Variants in NOVA2 observed in about 807,000 individuals in gnomAD.
The protein encoded by NOVA2 is RNA-binding protein Nova-2.
In NOVA2, 9 loss-of-function variants were observed where a neutral mutation model predicts 22.5. That is an observed-to-expected ratio of 0.40 (90% confidence interval 0.24 to 0.70). NOVA2 has a LOEUF of 0.70. NOVA2 is among the 30% of genes least tolerant of loss of function. NOVA2 has a pLI of 0.38. For synonymous variants in NOVA2, 318 were observed against 335.2 expected, an observed-to-expected ratio of 0.95 and a Z score of 0.56; for missense variants, 383 against 682.8, an observed-to-expected ratio of 0.56 and a Z score of 4.89.
At chr19:45,948,929 T>A (rs945596447) in intron 3 of NOVA2, among the ~76,000 whole-genome samples, 1 of 152,314 alleles carries the variant, frequency 6.6e-6, no homozygotes, top group East Asian at 1.9e-4. Flanking sequence ...GGTCTATGCA[T>A]ACAATGAAAC....
chr19:45,960,887 GC>G, intron 2 of NOVA2, 122 bp downstream of exon 2: 1 of 1,009,360 alleles, frequency 9.9e-7, no homozygotes, highest in Non-Finnish European at 1.4e-6. Flanking sequence ...GGAAGGGGAG[GC>G]CCCCTCCCCA....
Position 45,935,742 on chromosome 19 carries a change from T to A in NOVA2, c.*4121A>T. 1 of 152,418 alleles carries A rather than the reference T, an allele frequency of 6.6e-6. No homozygotes were observed. 9.4% of individuals were successfully genotyped at this position (152,418 alleles called of 1,614,324 possible). Reference sequence around the variant, plus strand: ...GGACTCCTCTCATTTTCCAAACAATTGGCCACCAATCAAAACAAAGTAAGA... The same window carrying A: ...GGACTCCTCTCATTTTCCAAACAATAGGCCACCAATCAAAACAAAGTAAGA... On this transcript the variant is annotated 3_prime_UTR_variant, in exon 4 of 4. Coordinates refer to ENST00000263257, the MANE Select transcript of NOVA2 (RefSeq NM_002516.4).
chr19:45,966,657 C>T (rs1048808995), intron 1 of NOVA2, among the ~76,000 whole-genome samples: 8 of 152,238 alleles, frequency 5.3e-5, no homozygotes, highest in Non-Finnish European at 7.4e-5. Flanking sequence ...GCAGATGGAT[C>T]ACCTGAGGTC....
Position 45,951,575 on chromosome 19 carries a change from G to T in NOVA2, c.396+2205C>A, listed in dbSNP as rs148755638. ...GTAGGTTGCAGTGAGCTGAGACCAG[G>T]CCATTGTACTCCATCCTGGGCAACA... On this transcript the variant is annotated intron_variant, in intron 3 of 3. Coordinates refer to ENST00000263257, the MANE Select transcript of NOVA2 (RefSeq NM_002516.4). Among the ~76,000 whole-genome samples, 509 of 151,498 alleles carry T rather than the reference G, an allele frequency of 3.4e-3. 4 individuals carry two copies. The highest frequency in any genetic ancestry group is 0.012 in the African/African-American group (477 of 41,330).
chr19:45,956,334 T>G (rs1968005598), intron 2 of NOVA2, among the ~76,000 whole-genome samples: 1 of 152,088 alleles, frequency 6.6e-6, no homozygotes, highest in South Asian at 2.1e-4. Context: ...ACTCAGGAAG[T>G]CTTTGACCTT....
intron 1 of NOVA2, chr19:45,962,739 C>A (rs1419420732): frequency 6.6e-6 from 1 of 152,088 alleles, no homozygotes; most frequent in Non-Finnish European, 1.5e-5. Context: ...CTCCACCTCC[C>A]GGGTGTAAGG....
At chr19:45,950,877 A>G (rs1162953498) in intron 3 of NOVA2, among the ~76,000 whole-genome samples, 1 of 152,118 alleles carries the variant, frequency 6.6e-6, no homozygotes, top group East Asian at 1.9e-4. Flanking sequence ...TTATTACCCC[A>G]TTTTCTAGAT....
chr19:45,970,957 G>A (rs1169896283), intron 1 of NOVA2, among the ~76,000 whole-genome samples: 1 of 152,138 alleles, frequency 6.6e-6, no homozygotes, highest in East Asian at 1.9e-4. Context: ...GCTCATCCTA[G>A]TTTCCCCGCT....
chr19:45,969,022 G>A (rs1452959787), intron 1 of NOVA2, among the ~76,000 whole-genome samples: 1 of 152,100 alleles, frequency 6.6e-6, no homozygotes, highest in Non-Finnish European at 1.5e-5. Flanking sequence ...AGCCAGGCGT[G>A]GTGGCACATG....
chr19:45,939,672 A>T lies in NOVA2; in HGVS notation c.*191T>A. 2.9e-6 allele frequency: 2 copies of T among 681,956 alleles called. No homozygotes were observed. The highest frequency in any genetic ancestry group is 2.4e-6 in the Non-Finnish European group (1 of 416,276). The allele number at this position is 681,956 out of a possible 1,614,324, so 42.2% of individuals were successfully genotyped here. On this transcript the variant is annotated 3_prime_UTR_variant, in exon 4 of 4. Coordinates refer to ENST00000263257, the MANE Select transcript of NOVA2 (RefSeq NM_002516.4). ...TTCCGGGCTGGGGAGGGGGCTTCTG[A>T]GCCCCCTTCCCAACCGTCACTCAAT...
In NOVA2 at chr19:45,939,715, G is replaced by A. The variant is rs937047200; in HGVS notation, c.*148C>T. On this transcript the variant is annotated 3_prime_UTR_variant, in exon 4 of 4. Transcript: ENST00000263257. ...CACTCAATCCTGCCTATGACTACCA[G>A]AAGGGGAGGGTGCAGTCGGGCCTAC... The A allele has an allele frequency of 1.0e-6, 1 of 990,478 alleles. No homozygotes were observed. Among genetic ancestry groups the A allele is most frequent in the Non-Finnish European group, 1.5e-6 (1 of 682,420 alleles). 61.4% of individuals were successfully genotyped at this position (990,478 alleles called of 1,614,324 possible). A position where few individuals can be genotyped will look rare whatever the true frequency, so the allele number is the denominator to read the frequency against.
intron 2 of NOVA2, 116 bp downstream of exon 2, chr19:45,960,894 C>T: frequency 8.9e-7 from 1 of 1,119,868 alleles, no homozygotes; most frequent in East Asian, 2.6e-5. Context: ...GAGGCCCCCT[C>T]CCCACCACTG....
intron 1 of NOVA2, among the ~76,000 whole-genome samples, chr19:45,970,509 C>T (rs140642121): frequency 0.029 from 4,324 of 151,652 alleles, 210 homozygotes; most frequent in African/African-American, 0.1. Flanking sequence ...CTGAGTAGCT[C>T]GGACTATAGG....
At chr19:45,961,859 C>T (rs773661464) in intron 1 of NOVA2, among the ~76,000 whole-genome samples, 57 of 152,186 alleles carry the variant, frequency 3.7e-4, no homozygotes, top group South Asian at 4.1e-4. Flanking sequence ...ATGTGAAGGA[C>T]GAGTGAGTGC....
intron 1 of NOVA2, among the ~76,000 whole-genome samples, chr19:45,970,642 C>T (rs1968221849): frequency 6.6e-6 from 1 of 152,112 alleles, no homozygotes; most frequent in South Asian, 2.1e-4. Context: ...TATCAAAGTG[C>T]TGGGATTACA....
Position 45,940,583 on chromosome 19 carries a change from C to T in NOVA2, c.759G>A (p.Leu253=). 1 of 1,447,338 alleles carries T rather than the reference C, an allele frequency of 6.9e-7. No individual in the cohort carries two copies. The highest frequency in any genetic ancestry group is 9.0e-7 in the Non-Finnish European group (1 of 1,106,848). 89.7% of individuals were successfully genotyped at this position (1,447,338 alleles called of 1,614,324 possible). A position where few individuals can be genotyped will look rare whatever the true frequency, so the allele number is the denominator to read the frequency against. The change falls in exon 4 of 4, where the codon CTG becomes CTA. Residue 253 remains leucine, a synonymous_variant. Coordinates refer to ENST00000263257, the MANE Select transcript of NOVA2 (RefSeq NM_002516.4). ...CCACGCCAGCCAGCCCGGCGGGGCC[C>T]AGCAGGCCGGAGGCGGCGGCGGCCG... ...AASAAAASGL[L]GPAGLAGVGA...
chr19:45,961,159 G>A lies in NOVA2; in HGVS notation c.86-6C>T. On this transcript the variant is annotated splice_polypyrimidine_tract_variant and splice_region_variant and intron_variant, in intron 1 of 3. Transcript: ENST00000263257. ...CAGGAAGTATTCGCCTTCCTCTGCG[G>A]GGGCACACAGGGTGGAGGGGAGTCA... 1 of 1,597,458 alleles carries A rather than the reference G, an allele frequency of 6.3e-7. No homozygotes were observed.
chr19:45,964,693 T>C (rs902177491), intron 1 of NOVA2, among the ~76,000 whole-genome samples: 22 of 151,976 alleles, frequency 1.4e-4, no homozygotes, highest in African/African-American at 5.3e-4. Context: ...CCCAAGTAGC[T>C]GGGACTACAG....
chr19:45,936,003 T>C lies in NOVA2; in HGVS notation c.*3860A>G, dbSNP rs1208541923. 6.6e-6 allele frequency: 1 copy of C among 152,212 alleles called. No individual in the cohort carries two copies. Among genetic ancestry groups the C allele is most frequent in the Non-Finnish European group, 1.5e-5 (1 of 68,050 alleles). The allele number at this position is 152,212 out of a possible 1,614,324, so 9.4% of individuals were successfully genotyped here. ...AGGGCAGATAGAAACGGCAAAATCA[T>C]TGTCTTCTGATCACCACCCCTACTA... On this transcript the variant is annotated 3_prime_UTR_variant, in exon 4 of 4. Transcript: ENST00000263257.
Sources: gnomAD v4.1 joint callset for allele counts (sites outside exome capture counted in the v4.1 genomes callset) on GRCh38, gnomAD v4.1.1 for gene constraint, MANE v1.5 for transcripts, NCBI Gene and HGNC (gene_info 2026-07-23, HGNC 2026-07-21) for gene names.